The following SERPINB11 variants were observed in gnomAD, a reference collection of about 807,000 sequenced individuals.
SERPINB11 encodes the protein serpin B11.
SERPINB11 carries 32 observed loss-of-function variants against 36.7 expected under a neutral mutation model. The observed-to-expected ratio is 0.87, with a 90% CI of 0.66 to 1.17. The LOEUF (loss-of-function observed/expected upper bound fraction) is 1.17. Among genes scored for constraint, SERPINB11 ranks in the 50% most tolerant of loss-of-function variants. The pLI, the probability that SERPINB11 is intolerant of heterozygous loss-of-function variation, is 0.00. For synonymous variants in SERPINB11, 174 were observed against 168.1 expected (o/e 1.04, Z -0.27); for missense variants, 528 against 458.4 (o/e 1.15, Z -1.39).
rs1914791344 is a variant in SERPINB11 at position 63,720,828 on chromosome 18, C to T, written c.619-3C>T. The T allele has an allele frequency of 2.6e-6, 4 of 1,546,692 alleles. No individual in the cohort carries two copies. In the East Asian group the frequency reaches 7.3e-5, roughly 28 times the overall value. On this transcript the variant is annotated splice_region_variant and splice_polypyrimidine_tract_variant and intron_variant, in intron 6 of 7. Transcript: ENST00000544088. ...TATACTATAATCTTTTTCTTCTTAA[C>T]AGGGTAAAAATGTAACTGTGGAAAT...
intron 5 of SERPINB11, among the ~76,000 whole-genome samples, chr18:63,719,005 C>T (rs1369523362): frequency 2.0e-5 from 3 of 151,954 alleles, no homozygotes; most frequent in African/African-American, 4.8e-5. Context: ...AAAAAGCCCA[C>T]AATTGAGCCA....
Position 63,723,257 on chromosome 18 carries a change from C to T in SERPINB11, c.1037C>T (p.Ala346Val). 1 of 1,613,974 alleles carries T rather than the reference C, an allele frequency of 6.2e-7. No individual in the cohort carries two copies. Among genetic ancestry groups the T allele is most frequent in the South Asian group, 1.1e-5 (1 of 91,080 alleles). The part of the protein sequence containing the change: ...YLDVSEEGTE[A>V]AAATGDSIAV... ...GATGTCAGCGAAGAGGGCACGGAGG[C>T]AGCAGCAGCCACTGGGGACAGCATC... Residue 346 changes from alanine to valine, a missense_variant, in exon 8 of 8, where the codon GCA becomes GTA. Transcript: ENST00000544088.
intron 1 of SERPINB11, 72 bp from the exon 2 acceptor site, chr18:63,710,107 C>T: frequency 1.6e-6 from 2 of 1,252,020 alleles, no homozygotes; most frequent in Admixed American, 2.8e-5. Context: ...TCATGAAATA[C>T]AATAACTGAA....
chr18:63,710,001 T>A (rs1174167714), intron 1 of SERPINB11, among the ~76,000 whole-genome samples, 178 bp from the exon 2 acceptor site: 1 of 152,242 alleles, frequency 6.6e-6, no homozygotes, highest in Non-Finnish European at 1.5e-5. Flanking sequence ...AATGTAAAAC[T>A]AATGTGAATT....
chr18:63,721,460 G>C (rs941522475), intron 7 of SERPINB11, among the ~76,000 whole-genome samples: 1 of 152,284 alleles, frequency 6.6e-6, no homozygotes, highest in East Asian at 1.9e-4. Context: ...GGTCATGGCC[G>C]TGAAAGGAGT....
intron 4 of SERPINB11, among the ~76,000 whole-genome samples, chr18:63,713,007 T>A (rs552809595): frequency 3.9e-4 from 60 of 152,342 alleles, no homozygotes; most frequent in African/African-American, 1.3e-3. Context: ...CATATCTTTT[T>A]CAGAGGTTCT....
chr18:63,708,549 G>T (rs1309145837), intron 1 of SERPINB11, among the ~76,000 whole-genome samples: 1 of 152,154 alleles, frequency 6.6e-6, no homozygotes, highest in African/African-American at 2.4e-5. Flanking sequence ...GCTTGAGAAA[G>T]AATAGAAGAA....
chr18:63,715,946 C>CCTAGA, intron 4 of SERPINB11, 89 bp from the exon 5 acceptor site: 1 of 719,766 alleles, frequency 1.4e-6, no homozygotes, highest in Non-Finnish European at 2.3e-6. Context: ...TTTTTCTCTG[C>CCTAGA]ATTAGAATTT....
At chr18:63,720,256 T>G in intron 6 of SERPINB11, 101 bp downstream of exon 6, 2 of 1,034,116 alleles carry the variant, frequency 1.9e-6, no homozygotes, top group Non-Finnish European at 2.8e-6. Flanking sequence ...AATATTGGTC[T>G]AGGTTTCTGT....
At chr18:63,706,668 C>A (rs765293585) in intron 1 of SERPINB11, among the ~76,000 whole-genome samples, 15 of 152,266 alleles carry the variant, frequency 9.9e-5, no homozygotes, top group Non-Finnish European at 1.6e-4. Flanking sequence ...TATAGAAAAA[C>A]CCTTGAAGTG....
intron 1 of SERPINB11, 24 bp from the exon 2 acceptor site, chr18:63,710,155 G>A (rs867773843): frequency 6.4e-7 from 1 of 1,555,150 alleles, no homozygotes; most frequent in Non-Finnish European, 8.7e-7. Context: ...GATGTTCTGA[G>A]AATTTTTTCC....
intron 1 of SERPINB11, chr18:63,705,214 G>GC (rs1445255801): frequency 3.3e-5 from 5 of 152,176 alleles, no homozygotes; most frequent in African/African-American, 1.2e-4. Context: ...AGCTGAGACT[G>GC]CAAGTGTGTG....
chr18:63,714,383 T>A (rs1464523079), intron 4 of SERPINB11, among the ~76,000 whole-genome samples: 1 of 152,124 alleles, frequency 6.6e-6, no homozygotes, highest in Non-Finnish European at 1.5e-5. Context: ...ATTGATAATA[T>A]CTTATCAGGA....
intron 4 of SERPINB11, among the ~76,000 whole-genome samples, chr18:63,713,243 C>A (rs533806782): frequency 6.6e-6 from 1 of 152,314 alleles, no homozygotes; most frequent in African/African-American, 2.4e-5. Flanking sequence ...CTGTGCCAGT[C>A]ATTCTGCTTA....
At chr18:63,711,476 G>T (rs1425968158) in intron 3 of SERPINB11, 82 bp downstream of exon 3, 4 of 1,107,300 alleles carry the variant, frequency 3.6e-6, no homozygotes, top group South Asian at 1.3e-5. Context: ...GAGTAGAAAA[G>T]CTCCTTCTTT....
intron 2 of SERPINB11, 35 bp from the exon 3 acceptor site, chr18:63,711,300 C>A: frequency 6.8e-7 from 1 of 1,465,900 alleles, no homozygotes; most frequent in Non-Finnish European, 9.5e-7. Flanking sequence ...TACATTGCTT[C>A]TGATGCCAAA....
chr18:63,708,615 G>C (rs542519845), intron 1 of SERPINB11, among the ~76,000 whole-genome samples: 2 of 152,188 alleles, frequency 1.3e-5, no homozygotes, highest in Admixed American at 6.5e-5. Context: ...GCTGGAGAGA[G>C]GGGTTAGAAA....
At position 63,712,547 on chromosome 18, in the gene SERPINB11, T is replaced by C; in HGVS notation, c.229-18T>C. On this transcript the variant is annotated intron_variant, in intron 3 of 7. Coordinates refer to ENST00000544088, the MANE Select transcript of SERPINB11 (RefSeq NM_001370475.1). ...TCAAGCAATTTAATACATCATTCTT[T>C]GTTTACTGATGCTTCAGTGCAGCCA... The C allele has an allele frequency of 6.2e-7, 1 of 1,613,320 alleles. No homozygotes were observed. Among genetic ancestry groups the C allele is most frequent in the South Asian group, 1.1e-5 (1 of 90,998 alleles).
At chr18:63,713,408 C>T (rs1222702226) in intron 4 of SERPINB11, among the ~76,000 whole-genome samples, 2 of 152,184 alleles carry the variant, frequency 1.3e-5, no homozygotes, top group Non-Finnish European at 2.9e-5. Context: ...GATTTAACCC[C>T]TATGCAAATC....
Sources: gnomAD v4.1 joint callset for allele counts (sites outside exome capture counted in the v4.1 genomes callset) on GRCh38, gnomAD v4.1.1 for gene constraint, MANE v1.5 for transcripts, NCBI Gene and HGNC (gene_info 2026-07-23, HGNC 2026-07-21) for gene names.